IL12A: variants seen among roughly 807,000 people sequenced by gnomAD.
The protein encoded by IL12A is interleukin 12A, also known as interleukin-12 subunit alpha.
Under a neutral mutation model 23.5 loss-of-function variants are expected in IL12A, and 16 were observed. The observed-to-expected ratio is 0.68, with a 90% CI of 0.46 to 1.03. IL12A has a LOEUF of 1.03. Ranked by LOEUF, IL12A falls within the 50% of genes least tolerant of loss-of-function variation. The pLI is 0.00. For missense variants in IL12A, 275 were observed against 307.0 expected (o/e 0.90, Z 0.78); for synonymous variants, 106 against 111.5 (o/e 0.95, Z 0.31).
In IL12A at chr3:159,995,771, C is replaced by T. The variant is rs2108049385; in HGVS notation, c.*212C>T. 2.8e-6 allele frequency: 1 copy of T among 361,230 alleles called. No individual in the cohort carries two copies. The allele number at this position is 361,230 out of a possible 1,614,324, so 22.4% of individuals were successfully genotyped here. On this transcript the variant is annotated 3_prime_UTR_variant, in exon 7 of 7. Coordinates refer to ENST00000305579, the MANE Select transcript of IL12A (RefSeq NM_000882.4). ...ATTGCTAAGAAGGGAAAATATCCAT[C>T]CTGAAGGTGTTTTTCATTCACTTTA...
intron 2 of IL12A, among the ~76,000 whole-genome samples, chr3:159,991,877 G>A (rs1013984168): frequency 3.3e-5 from 5 of 152,096 alleles, no homozygotes; most frequent in African/African-American, 4.8e-5. Flanking sequence ...CCTTCTACCC[G>A]CTTCTACTTT....
At chr3:159,991,715 C>T (rs1720320662) in intron 2 of IL12A, among the ~76,000 whole-genome samples, 1 of 152,218 alleles carries the variant, frequency 6.6e-6, no homozygotes, top group South Asian at 2.1e-4. Context: ...GTCAGCAGAG[C>T]TGTAGCCCTT....
intron 2 of IL12A, 105 bp from the exon 3 acceptor site, chr3:159,992,907 A>G (rs1720367074): frequency 1.6e-6 from 1 of 634,964 alleles, no homozygotes; most frequent in Non-Finnish European, 2.8e-6. Flanking sequence ...ACAGAGGTCA[A>G]GGGCAGCCAG....
chr3:159,992,914 C>A, intron 2 of IL12A, 98 bp from the exon 3 acceptor site: 1 of 647,518 alleles, frequency 1.5e-6, no homozygotes, highest in Non-Finnish European at 2.7e-6. Flanking sequence ...TCAAGGGCAG[C>A]CAGCCGGAGC....
chr3:159,990,335 A>G (rs1577556387), intron 2 of IL12A, 23 bp downstream of exon 2: 3 of 1,611,930 alleles, frequency 1.9e-6, no homozygotes, highest in Non-Finnish European at 1.7e-6. Context: ...TGTCCTCTCC[A>G]CTGTGGACCT....
At chr3:159,994,048 T>C (rs1056823900) in intron 6 of IL12A, among the ~76,000 whole-genome samples, 2 of 152,162 alleles carry the variant, frequency 1.3e-5, no homozygotes, top group African/African-American at 4.8e-5. Flanking sequence ...GACTCCAAAG[T>C]ATTCACTCTG....
At chr3:159,989,288 C>T (rs1720218504) in intron 1 of IL12A, 114 bp downstream of exon 1, 1 of 780,944 alleles carries the variant, frequency 1.3e-6, no homozygotes, top group Non-Finnish European at 2.1e-6. Context: ...CAGCAGCAGC[C>T]GTCTCCTGCA....
intron 2 of IL12A, 55 bp downstream of exon 2, chr3:159,990,367 C>A: frequency 1.3e-6 from 2 of 1,545,968 alleles, no homozygotes; most frequent in Non-Finnish European, 1.8e-6. Flanking sequence ...GAGGAAGGGG[C>A]CTCTGATCCT....
chr3:159,995,268 T>G, intron 6 of IL12A, 136 bp from the exon 7 acceptor site: 2 of 539,338 alleles, frequency 3.7e-6, no homozygotes, highest in Non-Finnish European at 3.1e-6. Flanking sequence ...TGAGAGTAGA[T>G]TTGGATTGGG....
chr3:159,992,146 T>C (rs1431305276), intron 2 of IL12A, among the ~76,000 whole-genome samples: 1 of 152,226 alleles, frequency 6.6e-6, no homozygotes, highest in Non-Finnish European at 1.5e-5. Flanking sequence ...TGGCTCATGC[T>C]GTTACCTCTG....
chr3:159,992,504 A>G lies in IL12A; in HGVS notation c.265-508A>G, dbSNP rs1720354729. Among the ~76,000 whole-genome samples the G allele has an allele frequency of 3.9e-5, 6 of 152,288 alleles. No homozygotes were observed. The South Asian group carries it at 8.3e-4, about 21-fold the overall frequency. ...TAATTTTACCCAACGGTGCTTTCCA[A>G]CACACTAAGATGACATCTCTGTGTA... On this transcript the variant is annotated intron_variant, in intron 2 of 6. Coordinates refer to ENST00000305579, the MANE Select transcript of IL12A (RefSeq NM_000882.4).
intron 1 of IL12A, among the ~76,000 whole-genome samples, chr3:159,989,737 C>T (rs963304294): frequency 1.3e-5 from 2 of 152,122 alleles, no homozygotes; most frequent in Non-Finnish European, 1.5e-5. Context: ...GAGCCAAAAT[C>T]GTGCCACTGC....
chr3:159,991,270 T>C (rs1016235704), intron 2 of IL12A, among the ~76,000 whole-genome samples: 1 of 152,190 alleles, frequency 6.6e-6, no homozygotes, highest in Middle Eastern at 3.2e-3. Flanking sequence ...GTCCTAAGGG[T>C]CAAAAGATTA....
chr3:159,993,623 C>T lies in IL12A; in HGVS notation c.462+14C>T. The stretch of plus-strand genomic sequence containing the variant: ...TCTTTTATGATGGTAAGACACACAG[C>T]TCTTTCCTCAAATGCAATGGGGGAA... On this transcript the variant is annotated intron_variant, in intron 5 of 6. Coordinates refer to ENST00000305579, the MANE Select transcript of IL12A (RefSeq NM_000882.4). 1 of 1,614,088 alleles carries T rather than the reference C, an allele frequency of 6.2e-7. No individual in the cohort carries two copies. The highest frequency in any genetic ancestry group is 1.1e-5 in the South Asian group (1 of 91,082).
intron 2 of IL12A, among the ~76,000 whole-genome samples, chr3:159,991,290 A>G (rs1720299966): frequency 1.3e-5 from 2 of 152,228 alleles, no homozygotes. Context: ...ATAGAAATCA[A>G]TTTAATGTTT....
rs1175084272 is a variant in IL12A, at chr3:159,989,077, C to T, written c.21C>T (p.Ala7=). Residue 7 remains alanine, a synonymous_variant, in exon 1 of 7, where the codon GCC becomes GCT. Transcript: ENST00000305579. The stretch of plus-strand genomic sequence containing the variant: ...TAAAAATGTGGCCCCCTGGGTCAGC[C>T]TCCCAGCCACCGCCCTCACCTGCCG... 5 of 1,613,262 alleles carry T rather than the reference C, an allele frequency of 3.1e-6. No homozygotes were observed. Among genetic ancestry groups the T allele is most frequent in the Non-Finnish European group, 4.2e-6 (5 of 1,179,832 alleles).
At position 159,995,512 on chromosome 3, in the gene IL12A, C is replaced by T. The variant is rs756430989; in HGVS notation, c.715C>T (p.Arg239Trp). The stretch of plus-strand genomic sequence containing the variant: ...CATACTTCTTCATGCTTTCAGAATT[C>T]GGGCAGTGACTATTGATAGAGTGAT... The change falls in exon 7 of 7, where the codon CGG becomes TGG. Residue 239 changes from arginine to tryptophan, a missense_variant. Coordinates refer to ENST00000305579, the MANE Select transcript of IL12A (RefSeq NM_000882.4). The T allele has an allele frequency of 1.2e-6, 2 of 1,609,274 alleles. No individual in the cohort carries two copies. Among genetic ancestry groups the T allele is most frequent in the Non-Finnish European group, 1.7e-6 (2 of 1,178,172 alleles).
At chr3:159,991,746 A>G (rs1041126832) in intron 2 of IL12A, among the ~76,000 whole-genome samples, 2 of 152,292 alleles carry the variant, frequency 1.3e-5, no homozygotes, top group South Asian at 4.1e-4. Context: ...CTTGGGGAGA[A>G]TCTGTTGCCT....
chr3:159,993,923 A>G, intron 6 of IL12A, 79 bp downstream of exon 6: 5 of 1,485,908 alleles, frequency 3.4e-6, no homozygotes, highest in Non-Finnish European at 4.6e-6. Context: ...AAGAGATATA[A>G]AAAGAGGTCT....
Sources: gnomAD v4.1 joint callset for allele counts (sites outside exome capture counted in the v4.1 genomes callset) on GRCh38, gnomAD v4.1.1 for gene constraint, MANE v1.5 for transcripts, NCBI Gene and HGNC (gene_info 2026-07-23, HGNC 2026-07-21) for gene names.